The following TUSC3 variants were observed in gnomAD, a reference collection of about 807,000 sequenced individuals.
TUSC3 encodes dolichyl-diphosphooligosaccharide--protein glycosyltransferase subunit TUSC3.
Under a neutral mutation model 44.8 loss-of-function variants are expected in TUSC3, and 45 were observed. That is an observed-to-expected ratio of 1.00 (90% CI 0.79 to 1.29). The LOEUF (loss-of-function observed/expected upper bound fraction) is 1.29. TUSC3 is among the 50% of genes most tolerant of loss of function. The probability of loss-of-function intolerance (pLI) is 0.00; values close to 1 mark genes in which losing one functional copy is unlikely to be tolerated. For missense variants in TUSC3, 519 were observed against 437.9 expected (o/e 1.19, Z -1.65); for synonymous variants, 212 against 152.9 (o/e 1.39, Z -2.85).
chr8:15,729,937 A>G (rs13266919), intron 6 of TUSC3, among the ~76,000 whole-genome samples: 31,054 of 152,068 alleles, frequency 0.2, 4,107 homozygotes, highest in Non-Finnish European at 0.3. Flanking sequence ...TAAATGATGT[A>G]AAAGTTGAGG....
At chr8:15,735,232 G>T (rs145645167) in intron 7 of TUSC3, among the ~76,000 whole-genome samples, 3 of 151,786 alleles carry the variant, frequency 2.0e-5, no homozygotes, top group African/African-American at 7.3e-5. Context: ...TCATCCTCCA[G>T]CATGAACCTA....
At chr8:15,632,232 CAAGA>C (rs1417495994) in intron 2 of TUSC3, among the ~76,000 whole-genome samples, 1 of 152,076 alleles carries the variant, frequency 6.6e-6, no homozygotes, top group African/African-American at 2.4e-5. Context: ...CACACTTAAA[CAAGA>C]AAGTATTTGT....
At chr8:15,517,422 A>G (rs577988762) in intron 2 of TUSC3, among the ~76,000 whole-genome samples, 3 of 151,486 alleles carry the variant, frequency 2.0e-5, no homozygotes, top group Middle Eastern at 3.4e-3. Context: ...GACATGGAAA[A>G]TGGATATATT....
intron 2 of TUSC3, among the ~76,000 whole-genome samples, chr8:15,504,607 ATATATATATATATATTTTT>A (rs1373940673): frequency 0.021 from 527 of 24,974 alleles, 4 homozygotes; most frequent in African/African-American, 0.092. Flanking sequence ...ATATATATAT[ATATATATATATATATTTTT>A]TTTTTTTTTT....
At chr8:15,705,854 A>G (rs950284240) in intron 6 of TUSC3, among the ~76,000 whole-genome samples, 5 of 151,996 alleles carry the variant, frequency 3.3e-5, no homozygotes, top group Admixed American at 3.3e-4. Context: ...TACAACTTAC[A>G]TATTATCAGA....
intron 1 of TUSC3, among the ~76,000 whole-genome samples, chr8:15,587,093 G>A (rs1390810158): frequency 1.3e-5 from 2 of 152,014 alleles, no homozygotes; most frequent in Non-Finnish European, 2.9e-5. Flanking sequence ...AGGAAGCTCT[G>A]TTTTATTTTG....
chr8:15,532,833 C>T (rs1484365638), intron 2 of TUSC3, among the ~76,000 whole-genome samples: 1 of 152,180 alleles, frequency 6.6e-6, no homozygotes, highest in Non-Finnish European at 1.5e-5. Flanking sequence ...GCTCTTGTTG[C>T]CCAGGCTGGA....
intron 2 of TUSC3, among the ~76,000 whole-genome samples, chr8:15,529,042 G>A (rs1801416819): frequency 6.6e-6 from 1 of 152,104 alleles, no homozygotes; most frequent in Non-Finnish European, 1.5e-5. Flanking sequence ...GACCTTTCCT[G>A]ATACATAGAA....
the TUSC3 span, among the ~76,000 whole-genome samples, chr8:15,808,037 A>T: frequency 6.6e-6 from 1 of 152,214 alleles, no homozygotes; most frequent in Admixed American, 6.5e-5. Flanking sequence ...AATTATTTTT[A>T]AAAACTTTAT....
the TUSC3 span, among the ~76,000 whole-genome samples, chr8:15,800,027 T>A: frequency 6.6e-6 from 1 of 152,192 alleles, no homozygotes; most frequent in African/African-American, 2.4e-5. Context: ...CAATTGTTTA[T>A]AACGGGCAGC....
At chr8:15,454,321 C>A (rs1319340519) in intron 1 of TUSC3, among the ~76,000 whole-genome samples, 1 of 152,126 alleles carries the variant, frequency 6.6e-6, no homozygotes, top group Non-Finnish European at 1.5e-5. Context: ...TAAAACCTGC[C>A]CTGCTTCAGC....
In TUSC3 at chr8:15,504,577, GGATATATATATATATATATA is replaced by G. The variant is rs1231826601; in HGVS notation, n.189+21095_189+21114del. On this transcript the variant is annotated intron_variant and non_coding_transcript_variant, in intron 2 of 5. Transcript: ENST00000503191. ...TTAATCCTATTAAAGGCAACTTTCA[GGATATATATATATATATATA>G]TATATATATATATATATATATATAT... is the stretch of plus-strand genomic sequence containing the variant. Among the ~76,000 whole-genome samples the G allele has an allele frequency of 9.1e-4, 50 of 54,962 alleles. 1 individual carries two copies. Among genetic ancestry groups the G allele is most frequent in the South Asian group, 1.8e-3 (2 of 1,096 alleles). 36.1% of individuals were successfully genotyped at this position (54,962 alleles called of 152,430 possible). A position where few individuals can be genotyped will look rare whatever the true frequency, so the allele number is the denominator to read the frequency against.
intron 1 of TUSC3, among the ~76,000 whole-genome samples, chr8:15,599,625 A>AT (rs1804199951): frequency 6.7e-6 from 1 of 148,164 alleles, no homozygotes; most frequent in Non-Finnish European, 1.5e-5. Context: ...GTCTAGATTC[A>AT]TTTTTTTGCA....
intron 1 of TUSC3, among the ~76,000 whole-genome samples, chr8:15,610,190 T>G (rs1237461318): frequency 1.3e-5 from 2 of 152,202 alleles, no homozygotes; most frequent in Non-Finnish European, 2.9e-5. Context: ...GCACTGGATT[T>G]ATTTCATAGC....
At position 15,459,433 on chromosome 8, in the gene TUSC3, A is replaced by G. The variant is rs538994364; in HGVS notation, n.92-23953A>G. ...TAACCAATAAAATAAAGCAATAATT[A>G]GAAAAATAAAGCAAGAATCCTGCTT... On this transcript the variant is annotated intron_variant and non_coding_transcript_variant, in intron 1 of 5. Transcript: ENST00000503191. 1.4e-4 allele frequency among the ~76,000 whole-genome samples: 21 copies of G among 152,264 alleles called. 1 individual carries two copies. The highest frequency in any genetic ancestry group is 4.8e-4 in the African/African-American group (20 of 41,564).
intron 7 of TUSC3, among the ~76,000 whole-genome samples, chr8:15,742,193 C>G (rs1739410785): frequency 1.9e-5 from 1 of 53,208 alleles, no homozygotes. Context: ...GCATGGATCT[C>G]TAAAAGTTTA....
intron 8 of TUSC3, among the ~76,000 whole-genome samples, chr8:15,745,848 T>A (rs1811392115): frequency 6.6e-6 from 1 of 150,676 alleles, no homozygotes; most frequent in Admixed American, 6.8e-5. Flanking sequence ...TAAAAAAAAT[T>A]CTTTGCCAAG....
chr8:15,753,591 A>T (rs1322066486), intron 9 of TUSC3, among the ~76,000 whole-genome samples: 1 of 152,080 alleles, frequency 6.6e-6, no homozygotes, highest in East Asian at 1.9e-4. Context: ...TGCTAAAGTT[A>T]ACTTAGTAAT....
chr8:15,564,705 T>C (rs1802601629), intron 1 of TUSC3, among the ~76,000 whole-genome samples: 2 of 152,256 alleles, frequency 1.3e-5, no homozygotes, highest in East Asian at 1.9e-4. Context: ...AGATAGGACA[T>C]TGTGACAGAG....
Sources: gnomAD v4.1 joint callset for allele counts (sites outside exome capture counted in the v4.1 genomes callset) on GRCh38, gnomAD v4.1.1 for gene constraint, MANE v1.5 for transcripts, NCBI Gene and HGNC (gene_info 2026-07-23, HGNC 2026-07-21) for gene names.